STXBP5: variants seen among roughly 807,000 people sequenced by gnomAD.
The protein encoded by STXBP5 is syntaxin binding protein 5, also known as syntaxin-binding protein 5.
A neutral mutation model predicts 152.4 loss-of-function variants in STXBP5; 50 were observed. That is an observed-to-expected ratio of 0.33 (90% confidence interval 0.26 to 0.42). The LOEUF is 0.42. Ranked by LOEUF, STXBP5 falls within the 10% of genes least tolerant of loss-of-function variation. The pLI, the probability that STXBP5 is intolerant of heterozygous loss-of-function variation, is 1.00. For synonymous variants in STXBP5, 492 were observed against 494.7 expected (o/e 0.99, Z 0.07); for missense variants, 1,167 against 1,388.6 (o/e 0.84, Z 2.54).
chr6:147,218,890 C>T (rs981566977), intron 2 of STXBP5, among the ~76,000 whole-genome samples: 7 of 152,210 alleles, frequency 4.6e-5, no homozygotes, highest in African/African-American at 1.7e-4. Flanking sequence ...ATCATGTTAT[C>T]AATGAACAAA....
chr6:147,288,836 G>A (rs1781127830), intron 8 of STXBP5, among the ~76,000 whole-genome samples: 1 of 152,182 alleles, frequency 6.6e-6, no homozygotes, highest in Non-Finnish European at 1.5e-5. Flanking sequence ...TGGAAAACAA[G>A]TGCAGTGTTT....
intron 25 of STXBP5, among the ~76,000 whole-genome samples, chr6:147,367,789 G>T (rs1040870779): frequency 6.6e-6 from 1 of 152,010 alleles, no homozygotes; most frequent in East Asian, 1.9e-4. Context: ...GCCATATGAA[G>T]AAAGAAGTTA....
intron 26 of STXBP5, among the ~76,000 whole-genome samples, chr6:147,375,471 G>A (rs1207541992): frequency 2.6e-5 from 4 of 151,810 alleles, no homozygotes; most frequent in South Asian, 2.1e-4. Context: ...TTAAACATAC[G>A]TTAGGAGAAG....
At chr6:147,289,142 T>TGCG (rs1781146408) in intron 8 of STXBP5, among the ~76,000 whole-genome samples, 1 of 152,134 alleles carries the variant, frequency 6.6e-6, no homozygotes, top group South Asian at 2.1e-4. Flanking sequence ...AGGAAATGGG[T>TGCG]TCTCCCTGGC....
chr6:147,235,673 G>A (rs111297400), intron 3 of STXBP5, among the ~76,000 whole-genome samples: 55 of 152,260 alleles, frequency 3.6e-4, no homozygotes, highest in African/African-American at 1.2e-3. Context: ...AAATCAAAGA[G>A]TGTGCTTCTT....
At chr6:147,229,375 G>A (rs1777883609) in intron 2 of STXBP5, among the ~76,000 whole-genome samples, 1 of 151,434 alleles carries the variant, frequency 6.6e-6, no homozygotes, top group South Asian at 2.1e-4. Context: ...AGTGAGATAT[G>A]CTTACATATA....
chr6:147,329,799 T>C, intron 18 of STXBP5, among the ~76,000 whole-genome samples: 1 of 151,962 alleles, frequency 6.6e-6, no homozygotes, highest in East Asian at 1.9e-4. Flanking sequence ...CTAATTTTTT[T>C]TGTATTTTTA....
intron 21 of STXBP5, among the ~76,000 whole-genome samples, chr6:147,345,275 G>A (rs554691680): frequency 6.6e-6 from 1 of 152,208 alleles, no homozygotes; most frequent in Non-Finnish European, 1.5e-5. Flanking sequence ...GCGTTTACAA[G>A]ATAAATTCTG....
chr6:147,372,417 T>C (rs1785595891), intron 25 of STXBP5, among the ~76,000 whole-genome samples: 2 of 17,480 alleles, frequency 1.1e-4, no homozygotes, highest in African/African-American at 5.0e-4. Context: ...CTTTTTTTTT[T>C]TTTTTTTTTT....
At chr6:147,208,811 A>T (rs1367092063) in intron 2 of STXBP5, among the ~76,000 whole-genome samples, 1 of 152,162 alleles carries the variant, frequency 6.6e-6, no homozygotes, top group Admixed American at 6.5e-5. Context: ...AAATCAAAGA[A>T]GAAAGATATA....
At chr6:147,362,123 GT>G (rs1212871864) in intron 23 of STXBP5, among the ~76,000 whole-genome samples, 1 of 152,030 alleles carries the variant, frequency 6.6e-6, no homozygotes, top group Non-Finnish European at 1.5e-5. Context: ...AGTATTCATT[GT>G]TTATCTGAAA....
chr6:147,315,666 C>T lies in STXBP5; in HGVS notation c.1554C>T (p.Ile518=), dbSNP rs779531913. 20 of 1,613,716 alleles carry T rather than the reference C, an allele frequency of 1.2e-5. No homozygotes were observed. The East Asian group carries it at 1.6e-4, about 13-fold the overall frequency. Residue 518 remains isoleucine (I), a synonymous_variant, in exon 15 of 28, where the codon ATC becomes ATT. Transcript: ENST00000321680. The stretch of plus-strand genomic sequence containing the variant: ...GTCCAGAAAGTAGAATGCTGTGCAT[C>T]GCTGGAGTTTCAGCTCATGTCATTA... ...SWCPESRMLC[I]AGVSAHVIIY...
chr6:147,318,311 A>G (rs1403151686), intron 16 of STXBP5, among the ~76,000 whole-genome samples: 1 of 152,136 alleles, frequency 6.6e-6, no homozygotes, highest in Non-Finnish European at 1.5e-5. Flanking sequence ...CTGATAGGTG[A>G]GTCTTTGTCC....
At chr6:147,312,377 A>G (rs78222876) in intron 11 of STXBP5, among the ~76,000 whole-genome samples, 5,026 of 152,278 alleles carry the variant, frequency 0.033, 78 homozygotes, top group Middle Eastern at 0.054. Context: ...TTATCTTTGG[A>G]GAAAGAATCA....
intron 2 of STXBP5, among the ~76,000 whole-genome samples, chr6:147,223,773 T>C (rs1310455703): frequency 1.3e-5 from 2 of 152,216 alleles, no homozygotes; most frequent in Non-Finnish European, 2.9e-5. Context: ...GCTTGTGATA[T>C]AGAGCCAAAA....
rs141800236 is a variant in STXBP5, at chr6:147,250,652, G to A, written c.432-9963G>A. ...ATATCCATCCCACCTCTGCATGCTG[G>A]GTGTGTTTGGGAGCAGATAATTTTT... is the stretch of plus-strand genomic sequence containing the variant. On this transcript the variant is annotated intron_variant, in intron 4 of 27. Coordinates refer to ENST00000321680, the MANE Select transcript of STXBP5 (RefSeq NM_001127715.4). Among the ~76,000 whole-genome samples the A allele has an allele frequency of 4.3e-3, 660 of 152,002 alleles. 14 individuals are homozygous for A. Among genetic ancestry groups the A allele is most frequent in the Admixed American group, 0.034 (522 of 15,252 alleles).
Position 147,387,244 on chromosome 6 carries a change from ATC to A in STXBP5, c.*2493_*2494del, listed in dbSNP as rs1786384963. On this transcript the variant is annotated 3_prime_UTR_variant, in exon 28 of 28. Coordinates refer to ENST00000321680, the MANE Select transcript of STXBP5 (RefSeq NM_001127715.4). ...AATTTACTGTAATTTGAGAGGTAAC[ATC>A]TCTATTTTTTTCTTTTTAAATACAG... is the stretch of plus-strand genomic sequence containing the variant. 6.6e-6 allele frequency: 1 copy of A among 151,700 alleles called. No homozygotes were observed. The highest frequency in any genetic ancestry group is 1.5e-5 in the Non-Finnish European group (1 of 67,722). The allele number at this position is 151,700 out of a possible 1,614,324, so 9.4% of individuals were successfully genotyped here. A position where few individuals can be genotyped will look rare whatever the true frequency, so the allele number is the denominator to read the frequency against.
chr6:147,298,271 G>A (rs1781632049), intron 9 of STXBP5, among the ~76,000 whole-genome samples: 1 of 151,906 alleles, frequency 6.6e-6, no homozygotes, highest in South Asian at 2.1e-4. Context: ...TAACAATGAA[G>A]GGATCAATTT....
intron 3 of STXBP5, among the ~76,000 whole-genome samples, chr6:147,236,048 G>A (rs1778253334): frequency 6.6e-6 from 1 of 152,120 alleles, no homozygotes; most frequent in Admixed American, 6.5e-5. Flanking sequence ...AAACCCTTAG[G>A]CTCCGTGGAA....
Sources: allele counts gnomAD v4.1 joint callset (sites outside exome capture counted in the v4.1 genomes callset), GRCh38; gene constraint gnomAD v4.1.1; transcripts MANE v1.5; gene names NCBI Gene and HGNC (gene_info 2026-07-23, HGNC 2026-07-21).